ELMOD1: variants seen among roughly 807,000 people sequenced by gnomAD.
The protein encoded by ELMOD1 is ELMO domain containing 1.
ELMOD1 carries 21 observed loss-of-function variants against 46.7 expected under a neutral mutation model. The ratio of observed to expected loss-of-function variants is 0.45; its 90% confidence interval spans 0.32 to 0.65. The LOEUF is 0.65. Among genes scored for constraint, ELMOD1 ranks in the 30% least tolerant of loss-of-function variants. ELMOD1 has a pLI of 0.04. For synonymous variants in ELMOD1, 122 were observed against 138.2 expected (o/e 0.88, Z 0.82); for missense variants, 348 against 407.8 (o/e 0.85, Z 1.26).
chr11:107,656,128 C>T, intron 11 of ELMOD1, 62 bp downstream of exon 11: 1 of 1,523,626 alleles, frequency 6.6e-7, no homozygotes. Context: ...TGGCTCACCC[C>T]TGTAATCCCA....
chr11:107,622,849 T>A lies in ELMOD1; in HGVS notation c.17+4643T>A, dbSNP rs1865973801. On this transcript the variant is annotated intron_variant, in intron 2 of 11. Coordinates refer to ENST00000265840, the MANE Select transcript of ELMOD1 (RefSeq NM_018712.4). ...AAATACCTCTCTCACTGTAGACTGG[T>A]ACTTTTAGCTGTAGTGTTCTCTTTT... is the stretch of plus-strand genomic sequence containing the variant. Among the ~76,000 whole-genome samples, 5 of 152,332 alleles carry A rather than the reference T, an allele frequency of 3.3e-5. No homozygotes were observed. The South Asian group carries it at 1.0e-3, about 32-fold the overall frequency.
intron 6 of ELMOD1, chr11:107,643,292 G>A (rs538703000): frequency 5.5e-5 from 10 of 181,064 alleles, no homozygotes; most frequent in South Asian, 2.4e-4. Flanking sequence ...GCTTTAACCC[G>A]GGAAGCAGAA....
At chr11:107,608,665 C>T (rs868096138) in intron 1 of ELMOD1, among the ~76,000 whole-genome samples, 4 of 152,112 alleles carry the variant, frequency 2.6e-5, no homozygotes, top group Admixed American at 6.5e-5. Flanking sequence ...CATGTATTTT[C>T]GCTCCATTGT....
chr11:107,653,859 C>T (rs2449095), intron 9 of ELMOD1: 124,745 of 261,282 alleles, frequency 0.48, 33,367 homozygotes, highest in African/African-American at 0.79. Context: ...GAGGCGACAT[C>T]TAGTTACCTC....
chr11:107,647,029 T>C (rs901067536), intron 6 of ELMOD1, among the ~76,000 whole-genome samples: 2 of 152,106 alleles, frequency 1.3e-5, no homozygotes, highest in African/African-American at 4.8e-5. Context: ...AAAATTAAAA[T>C]AGACTTTAAA....
intron 1 of ELMOD1, among the ~76,000 whole-genome samples, chr11:107,606,548 T>TC (rs1865687554): frequency 6.6e-6 from 1 of 152,128 alleles, no homozygotes; most frequent in African/African-American, 2.4e-5. Flanking sequence ...TAAAACTACA[T>TC]TGGCGGCAGA....
At chr11:107,622,966 A>G (rs1006008408) in intron 2 of ELMOD1, among the ~76,000 whole-genome samples, 1 of 152,176 alleles carries the variant, frequency 6.6e-6, no homozygotes, top group African/African-American at 2.4e-5. Flanking sequence ...ATATGCACAT[A>G]TATATACACA....
At chr11:107,615,225 G>C (rs1170148329) in intron 1 of ELMOD1, among the ~76,000 whole-genome samples, 1 of 133,256 alleles carries the variant, frequency 7.5e-6, no homozygotes, top group Admixed American at 8.2e-5. Flanking sequence ...CCTGTTGTCA[G>C]CATCTTTTTT....
At chr11:107,599,068 A>G (rs1865543067) in intron 1 of ELMOD1, among the ~76,000 whole-genome samples, 1 of 152,196 alleles carries the variant, frequency 6.6e-6, no homozygotes, top group South Asian at 2.1e-4. Flanking sequence ...AAAGACATAC[A>G]AAGCTGGTAT....
At chr11:107,610,306 A>G (rs1210891796) in intron 1 of ELMOD1, among the ~76,000 whole-genome samples, 2 of 152,184 alleles carry the variant, frequency 1.3e-5, no homozygotes, top group Non-Finnish European at 2.9e-5. Flanking sequence ...AAGTTTATGT[A>G]TGAACAAAAA....
At chr11:107,602,913 G>T (rs1010198271) in intron 1 of ELMOD1, among the ~76,000 whole-genome samples, 3 of 151,984 alleles carry the variant, frequency 2.0e-5, no homozygotes, top group Non-Finnish European at 2.9e-5. Context: ...ATGCTTCTTT[G>T]GGGGAGAGCT....
At chr11:107,601,790 G>A (rs1177009128) in intron 1 of ELMOD1, among the ~76,000 whole-genome samples, 1 of 151,868 alleles carries the variant, frequency 6.6e-6, no homozygotes, top group Non-Finnish European at 1.5e-5. Context: ...AACCAACAGA[G>A]TTGTGAATAT....
Position 107,630,680 on chromosome 11 carries a change from T to C in ELMOD1, c.164-20T>C, listed in dbSNP as rs1467276051. 1 of 1,607,946 alleles carries C rather than the reference T, an allele frequency of 6.2e-7. No homozygotes were observed. The highest frequency in any genetic ancestry group is 1.3e-5 in the African/African-American group (1 of 74,902). On this transcript the variant is annotated intron_variant, in intron 3 of 11. Coordinates refer to ENST00000265840, the MANE Select transcript of ELMOD1 (RefSeq NM_018712.4). Reference sequence around the variant, plus strand: ...TAAAGGATAATCTTTGAATGACTGTTTTTGTTGCTGCTTTCACAGAAACAT... The same window carrying C: ...TAAAGGATAATCTTTGAATGACTGTCTTTGTTGCTGCTTTCACAGAAACAT...
chr11:107,600,876 CTTCTT>C, intron 1 of ELMOD1: 1 of 148,090 alleles, frequency 6.8e-6, no homozygotes, highest in Non-Finnish European at 1.5e-5. Flanking sequence ...TCTTCTTCTT[CTTCTT>C]TTTTTTTTTT....
intron 11 of ELMOD1, among the ~76,000 whole-genome samples, chr11:107,661,970 A>G (rs942140477): frequency 3.3e-5 from 5 of 152,190 alleles, no homozygotes; most frequent in African/African-American, 1.2e-4. Flanking sequence ...TGACAACCAG[A>G]TGACAAACAG....
intron 11 of ELMOD1, among the ~76,000 whole-genome samples, chr11:107,660,045 T>C (rs1866707007): frequency 1.3e-5 from 2 of 152,110 alleles, no homozygotes; most frequent in South Asian, 2.1e-4. Flanking sequence ...TGGATTGTGG[T>C]GTATGTAGGC....
At chr11:107,599,755 A>AAAAAAAAAAAG (rs1555058610) in intron 1 of ELMOD1, among the ~76,000 whole-genome samples, 35 of 138,810 alleles carry the variant, frequency 2.5e-4, no homozygotes, top group African/African-American at 1.1e-3. Flanking sequence ...AAAAAAAGAA[A>AAAAAAAAAAAG]AAAAGAAAAG....
chr11:107,650,666 G>A (rs988252127), intron 8 of ELMOD1, among the ~76,000 whole-genome samples: 25 of 152,286 alleles, frequency 1.6e-4, no homozygotes, highest in Middle Eastern at 3.4e-3. Context: ...GACTGAGGAG[G>A]TGGGCATGGA....
intron 1 of ELMOD1, among the ~76,000 whole-genome samples, chr11:107,595,199 G>C (rs774368585): frequency 1.2e-4 from 18 of 150,034 alleles, no homozygotes; most frequent in Non-Finnish European, 2.2e-4. Flanking sequence ...TCATGTGTTT[G>C]AGTGTCCATA....
Sources: gnomAD v4.1 joint callset for allele counts (sites outside exome capture counted in the v4.1 genomes callset) on GRCh38, gnomAD v4.1.1 for gene constraint, MANE v1.5 for transcripts, NCBI Gene and HGNC (gene_info 2026-07-23, HGNC 2026-07-21) for gene names.